The following TRIM59 variants were observed in gnomAD, a reference collection of about 807,000 sequenced individuals.
TRIM59 encodes tripartite motif containing 59.
Under a neutral mutation model 32.2 loss-of-function variants are expected in TRIM59, and 14 were observed. The ratio of observed to expected loss-of-function variants is 0.43; its 90% CI spans 0.29 to 0.68. TRIM59 has a LOEUF of 0.68. TRIM59 is among the 30% of genes least tolerant of loss of function. TRIM59 has a pLI of 0.15. For synonymous variants in TRIM59, 163 were observed against 155.1 expected (o/e 1.05, Z -0.38); for missense variants, 471 against 463.3 (o/e 1.02, Z -0.15).
chr3:160,448,701 T>C, intron 2 of TRIM59, 25 bp downstream of exon 2: 4 of 1,232,000 alleles, frequency 3.2e-6, no homozygotes, highest in Non-Finnish European at 4.3e-6. Context: ...TTTTTCATAT[T>C]TATTTAATCT....
In TRIM59 at chr3:160,449,777, G is replaced by T. The variant is rs1038545808; in HGVS notation, c.-134C>A. 7.9e-7 allele frequency: 1 copy of T among 1,271,208 alleles called. No homozygotes were observed. The highest frequency in any genetic ancestry group is 1.2e-5 in the South Asian group (1 of 80,686). 78.7% of individuals were successfully genotyped at this position (1,271,208 alleles called of 1,614,324 possible). ...CGGAAACACAGCGCCACGAGCTCCA[G>T]GCGGATGCTGAGAGCCGCCCCGAGT... On this transcript the variant is annotated 5_prime_UTR_variant, in exon 1 of 3. In the 5' UTR this introduces an upstream ATG that the reference lacks. Transcript: ENST00000309784.
rs1168615930 is a variant in TRIM59 at position 160,438,573 on chromosome 3, AG to A, written c.610del (p.Leu204Ter). The part of the protein sequence containing the change: ...DTLEQKKKSF[L>X]TALCDVGNLI... ...ATTGCCAACATCACAGAGAGCCGTT[AG>A]GAAACTTTTTTTTTTCTGTTCTAAT... On this transcript the variant is annotated frameshift_variant, in exon 3 of 3. Coordinates refer to ENST00000309784, the MANE Select transcript of TRIM59 (RefSeq NM_173084.3). LOFTEE classifies it high-confidence loss of function. 1.2e-6 allele frequency: 2 copies of A among 1,611,458 alleles called. No homozygotes were observed. The highest frequency in any genetic ancestry group is 1.7e-6 in the Non-Finnish European group (2 of 1,179,454).
chr3:160,441,543 G>A (rs1057497271), intron 2 of TRIM59, among the ~76,000 whole-genome samples: 7 of 152,064 alleles, frequency 4.6e-5, no homozygotes, highest in African/African-American at 1.7e-4. Context: ...CATGAGGTCA[G>A]GTGATTGAGA....
intron 2 of TRIM59, among the ~76,000 whole-genome samples, chr3:160,445,773 C>CA (rs75175042): frequency 0.019 from 1,757 of 90,728 alleles, 15 homozygotes; most frequent in Middle Eastern, 0.025. Context: ...GACTCTGTCT[C>CA]AAAAAAAAAA....
Position 160,448,768 on chromosome 3 carries a change from A to G in TRIM59, c.-46T>C, listed in dbSNP as rs1719667619. On this transcript the variant is annotated 5_prime_UTR_variant, in exon 2 of 3. Transcript: ENST00000309784. ...TTGGGGGCTGAATACACTCTTCTCC[A>G]ACTCCTCCAGAATCTTTTATTCTTA... The G allele has an allele frequency of 7.8e-7, 1 of 1,277,688 alleles. No homozygotes were observed. The highest frequency in any genetic ancestry group is 1.0e-6 in the Non-Finnish European group (1 of 983,784). 79.1% of individuals were successfully genotyped at this position (1,277,688 alleles called of 1,614,324 possible).
At position 160,438,340 on chromosome 3, in the gene TRIM59, T is replaced by C; in HGVS notation, c.844A>G (p.Ser282Gly). The change falls in exon 3 of 3, where the codon AGC becomes GGC. Residue 282 changes from serine to glycine, a missense_variant. By Grantham distance (56) the Ser-to-Gly change is moderately conservative. Coordinates refer to ENST00000309784, the MANE Select transcript of TRIM59 (RefSeq NM_173084.3). ...VQPVEIYPRVSKILKEEWSRT... is the reference protein window; with the variant it reads ...VQPVEIYPRVGKILKEEWSRT... The stretch of plus-strand genomic sequence containing the variant: ...CTCCATTCTTCTTTCAATATTTTGC[T>C]TACTCGAGGATAAATTTCAACGGGT... 6.2e-7 allele frequency: 1 copy of C among 1,613,558 alleles called. No homozygotes were observed. The highest frequency in any genetic ancestry group is 8.5e-7 in the Non-Finnish European group (1 of 1,179,862).
chr3:160,438,230 AC>A lies in TRIM59; in HGVS notation c.953del (p.Gly318ValfsTer10). 1 of 1,613,760 alleles carries A rather than the reference AC, an allele frequency of 6.2e-7. No individual in the cohort carries two copies. Among genetic ancestry groups the A allele is most frequent in the Middle Eastern group, 1.7e-4 (1 of 6,058 alleles). ...SPKRMSCSWP[G>X]KDEKEVEFLK... ...AAAATTCAACTTCCTTTTCATCCTT[AC>A]CAGGCCAGGAACATGACATCCTTTT... On this transcript the variant is annotated frameshift_variant, in exon 3 of 3. Coordinates refer to ENST00000309784, the MANE Select transcript of TRIM59 (RefSeq NM_173084.3). LOFTEE classifies it high-confidence loss of function.
chr3:160,449,580 G>A, intron 1 of TRIM59, 137 bp downstream of exon 1: 1 of 1,288,974 alleles, frequency 7.8e-7, no homozygotes, highest in Non-Finnish European at 1.0e-6. Flanking sequence ...AATGAGTGCA[G>A]GTCCCAAGCC....
chr3:160,438,373 C>G lies in TRIM59; in HGVS notation c.811G>C (p.Glu271Gln). Residue 271 changes from glutamate to glutamine, a missense_variant, in exon 3 of 3, where the codon GAG becomes CAG. Transcript: ENST00000309784. Reference protein sequence around the residue: ...VQILKQRPLPEVQPVEIYPRV... With the variant: ...VQILKQRPLPQVQPVEIYPRV... The stretch of plus-strand genomic sequence containing the variant: ...GGATAAATTTCAACGGGTTGAACCT[C>G]AGGAAGTGGTCTTTGTTTCAAGATC... The G allele has an allele frequency of 6.2e-7, 1 of 1,613,692 alleles. No homozygotes were observed. The highest frequency in any genetic ancestry group is 1.1e-5 in the South Asian group (1 of 90,974).
chr3:160,448,351 A>C (rs1378595964), intron 2 of TRIM59, among the ~76,000 whole-genome samples: 1 of 152,238 alleles, frequency 6.6e-6, no homozygotes, highest in African/African-American at 2.4e-5. Flanking sequence ...CTACTTACTC[A>C]TTTAAAAAGA....
intron 2 of TRIM59, among the ~76,000 whole-genome samples, chr3:160,448,086 AT>A (rs1719625948): frequency 6.6e-6 from 1 of 152,124 alleles, no homozygotes; most frequent in African/African-American, 2.4e-5. Context: ...CATCTGTACT[AT>A]TTTCTTTCAT....
chr3:160,449,573 G>GAGTGC (rs1341056899), intron 1 of TRIM59, 144 bp downstream of exon 1: 44 of 1,287,964 alleles, frequency 3.4e-5, no homozygotes, highest in Non-Finnish European at 4.4e-5. Flanking sequence ...AAGAGGGAAT[G>GAGTGC]AGTGCAGGTC....
At position 160,438,038 on chromosome 3, in the gene TRIM59, T is replaced by A; in HGVS notation, c.1146A>T (p.Val382=). The A allele has an allele frequency of 2.5e-6, 4 of 1,591,004 alleles. No homozygotes were observed. Among genetic ancestry groups the A allele is most frequent in the Non-Finnish European group, 3.4e-6 (4 of 1,173,794 alleles). Reference sequence around the variant, plus strand: ...AGAAAATGTGACACAGTATATTCTTTACCTTATGCAGACTGTTAGATAAAC... The same window carrying A: ...AGAAAATGTGACACAGTATATTCTTAACCTTATGCAGACTGTTAGATAAAC... ...YQSLSNSLHK[V]KNILCHIFYL... is the part of the protein sequence containing the mutation. The change falls in exon 3 of 3, where the codon GTA becomes GTT. Residue 382 remains valine, a synonymous_variant. Transcript: ENST00000309784.
In TRIM59 at chr3:160,437,779, T is replaced by C; in HGVS notation, c.*193A>G. The C allele has an allele frequency of 8.1e-7, 1 of 1,241,194 alleles. No homozygotes were observed. The allele number at this position is 1,241,194 out of a possible 1,614,324, so 76.9% of individuals were successfully genotyped here. On this transcript the variant is annotated 3_prime_UTR_variant, in exon 3 of 3. Coordinates refer to ENST00000309784, the MANE Select transcript of TRIM59 (RefSeq NM_173084.3). ...CTTTTCAAATTGTTACTAGATTCTG[T>C]TTCCCAAAGATTTGACTATTTCAGA...
chr3:160,444,586 C>T (rs1331196375), intron 2 of TRIM59, among the ~76,000 whole-genome samples: 1 of 152,172 alleles, frequency 6.6e-6, no homozygotes, highest in Non-Finnish European at 1.5e-5. Context: ...AATCTATTCT[C>T]CCCCATTAGA....
chr3:160,442,094 AAT>A (rs987009186), intron 2 of TRIM59, among the ~76,000 whole-genome samples: 1 of 152,222 alleles, frequency 6.6e-6, no homozygotes, highest in Non-Finnish European at 1.5e-5. Flanking sequence ...CTTTGTAGGA[AAT>A]AAAATTTGAG....
At chr3:160,446,588 C>T (rs1045360001) in intron 2 of TRIM59, among the ~76,000 whole-genome samples, 34 of 152,174 alleles carry the variant, frequency 2.2e-4, no homozygotes, top group African/African-American at 7.2e-4. Flanking sequence ...AACCAATAAG[C>T]AGTCCTCAAA....
chr3:160,449,379 C>G, intron 1 of TRIM59: 1 of 677,396 alleles, frequency 1.5e-6, no homozygotes, highest in South Asian at 2.2e-5. Context: ...GCTCCACTCT[C>G]CCAGGCCTCC....
At chr3:160,444,640 A>G (rs1240539751) in intron 2 of TRIM59, among the ~76,000 whole-genome samples, 2 of 152,230 alleles carry the variant, frequency 1.3e-5, no homozygotes, top group African/African-American at 4.8e-5. Context: ...AGGATACAGT[A>G]TAAGTGATGT....
Sources: gnomAD v4.1 joint callset for allele counts (sites outside exome capture counted in the v4.1 genomes callset) on GRCh38, gnomAD v4.1.1 for gene constraint, MANE v1.5 for transcripts, NCBI Gene and HGNC (gene_info 2026-07-23, HGNC 2026-07-21) for gene names.